The following SYT2 variants were observed in gnomAD, a reference collection of about 807,000 sequenced individuals.
SYT2 encodes the protein synaptotagmin-2.
In SYT2, 15 loss-of-function variants were observed where a neutral mutation model predicts 39.9. The observed-to-expected ratio is 0.38, with a 90% CI of 0.25 to 0.58. The LOEUF is 0.58. Ranked by LOEUF, SYT2 falls within the 20% of genes least tolerant of loss-of-function variation. The pLI is 0.70. For synonymous variants in SYT2, 181 were observed against 204.5 expected (o/e 0.89, Z 0.98); for missense variants, 389 against 530.3 (o/e 0.73, Z 2.62).
chr1:202,604,821 T>G (rs912507335), intron 2 of SYT2, among the ~76,000 whole-genome samples, 200 bp from the exon 3 acceptor site: 1 of 14,574 alleles, frequency 6.9e-5, no homozygotes, highest in East Asian at 0.012. Context: ...TGCCTTGCTT[T>G]TTTTTTTTTT....
chr1:202,696,668 C>T (rs534788504), intron 1 of SYT2, among the ~76,000 whole-genome samples: 1 of 152,254 alleles, frequency 6.6e-6, no homozygotes, highest in South Asian at 2.1e-4. Context: ...GGAAGTGTGG[C>T]CTGAGGCACA....
At chr1:202,695,551 C>G (rs1271808145) in intron 1 of SYT2, among the ~76,000 whole-genome samples, 1 of 152,184 alleles carries the variant, frequency 6.6e-6, no homozygotes, top group Non-Finnish European at 1.5e-5. Context: ...TGTAATTGAA[C>G]TCGATTTGAT....
chr1:202,602,982 C>G lies in SYT2; in HGVS notation c.465+17G>C, dbSNP rs1184418404. ...TCTCCCCATTCCCCCACTCTGCCCCCCCACAGCCCTGCATACCTGATTAGC... is the reference window on the plus strand; with the variant it reads ...TCTCCCCATTCCCCCACTCTGCCCCGCCACAGCCCTGCATACCTGATTAGC... On this transcript the variant is annotated intron_variant, in intron 4 of 8. Coordinates refer to ENST00000367268, the MANE Select transcript of SYT2 (RefSeq NM_177402.5). The G allele has an allele frequency of 6.2e-7, 1 of 1,608,746 alleles. No individual in the cohort carries two copies. Among genetic ancestry groups the G allele is most frequent in the Non-Finnish European group, 8.5e-7 (1 of 1,176,410 alleles).
intron 1 of SYT2, among the ~76,000 whole-genome samples, chr1:202,696,012 A>G (rs1572684852): frequency 6.6e-6 from 1 of 152,174 alleles, no homozygotes; most frequent in East Asian, 1.9e-4. Context: ...TTCCTTTCTC[A>G]GTCTCCAGTG....
Position 202,660,416 on chromosome 1 carries a change from G to A in SYT2, c.-18+49842C>T, listed in dbSNP as rs368456401. ...AATGGTGGCTACAACTTCTGTTACC[G>A]CTACTACCCCAGCAGGTGAGAAAGA... On this transcript the variant is annotated intron_variant, in intron 1 of 8. Coordinates refer to ENST00000367268, the MANE Select transcript of SYT2 (RefSeq NM_177402.5). Among the ~76,000 whole-genome samples the A allele has an allele frequency of 1.8e-4, 28 of 152,240 alleles. No homozygotes were observed. The East Asian group carries it at 2.1e-3, about 12-fold the overall frequency.
rs187356131 is a variant in SYT2 at position 202,691,373 on chromosome 1, C to G, written c.-18+18885G>C. ...GGTGAAGACATGTAGATTGGCCAGG[C>G]ACGGTAGCTCACACCTGTAATCCCA... is the stretch of plus-strand genomic sequence containing the variant. On this transcript the variant is annotated intron_variant, in intron 1 of 8. Transcript: ENST00000367268. 7.2e-3 allele frequency among the ~76,000 whole-genome samples: 1,093 copies of G among 152,188 alleles called. 11 individuals are homozygous for G. The highest frequency in any genetic ancestry group is 0.02 in the Middle Eastern group (6 of 294).
intron 1 of SYT2, among the ~76,000 whole-genome samples, chr1:202,671,384 C>T (rs1692587735): frequency 6.6e-6 from 1 of 152,200 alleles, no homozygotes; most frequent in Admixed American, 6.5e-5. Context: ...GCGGAGAGAC[C>T]CATTTTTAGC....
At chr1:202,665,969 T>C (rs964117533) in intron 1 of SYT2, among the ~76,000 whole-genome samples, 1 of 151,992 alleles carries the variant, frequency 6.6e-6, no homozygotes, top group Non-Finnish European at 1.5e-5. Flanking sequence ...CTGGCTAACA[T>C]GGTGAAACCC....
chr1:202,633,387 T>C (rs1195394622), intron 1 of SYT2, among the ~76,000 whole-genome samples: 1 of 152,082 alleles, frequency 6.6e-6, no homozygotes, highest in Non-Finnish European at 1.5e-5. Flanking sequence ...AGGGGATGTG[T>C]AGGTGAGGTG....
chr1:202,668,828 G>A (rs981609219), intron 1 of SYT2, among the ~76,000 whole-genome samples: 2 of 152,186 alleles, frequency 1.3e-5, no homozygotes, highest in Admixed American at 6.5e-5. Context: ...ACAGGGTGGC[G>A]AGGCACTGAC....
intron 1 of SYT2, among the ~76,000 whole-genome samples, chr1:202,693,660 G>A (rs1653901111): frequency 6.6e-6 from 1 of 152,200 alleles, no homozygotes; most frequent in Admixed American, 6.5e-5. Flanking sequence ...TACCTCCAAA[G>A]TCCAGGATCA....
At chr1:202,627,425 GAGAGA>G in intron 1 of SYT2, 1 of 985,248 alleles carries the variant, frequency 1.0e-6, no homozygotes, top group African/African-American at 1.7e-5. Context: ...CCTGCTAAAG[GAGAGA>G]AGAGAAACCC....
chr1:202,617,409 C>CATGTGA (rs1691075807), intron 1 of SYT2, among the ~76,000 whole-genome samples: 1 of 152,072 alleles, frequency 6.6e-6, no homozygotes, highest in South Asian at 2.1e-4. Context: ...CTGCTCTGGC[C>CATGTGA]ATGTGAAGTG....
intron 1 of SYT2, among the ~76,000 whole-genome samples, chr1:202,616,454 T>G (rs12164525): frequency 0.081 from 12,305 of 152,060 alleles, 1,584 homozygotes; most frequent in African/African-American, 0.27. Context: ...TGCCTTGTTC[T>G]CCCCTTCGTG....
At chr1:202,709,923 G>C (rs1189950447) in intron 1 of SYT2, among the ~76,000 whole-genome samples, 2 of 152,058 alleles carry the variant, frequency 1.3e-5, no homozygotes, top group African/African-American at 2.4e-5. Flanking sequence ...AGAGAGGGAC[G>C]GGGGCGCAGA....
At chr1:202,610,576 A>T (rs1690859049) in intron 1 of SYT2, among the ~76,000 whole-genome samples, 1 of 152,186 alleles carries the variant, frequency 6.6e-6, no homozygotes, top group African/African-American at 2.4e-5. Flanking sequence ...AGAAAACCCC[A>T]TCGTCTCAGC....
intron 1 of SYT2, among the ~76,000 whole-genome samples, chr1:202,616,965 C>T (rs1691059042): frequency 6.6e-6 from 1 of 152,212 alleles, no homozygotes; most frequent in Admixed American, 6.5e-5. Flanking sequence ...TATTTGCCAC[C>T]AAGGCAATCT....
chr1:202,676,343 C>T (rs938780866), intron 1 of SYT2, among the ~76,000 whole-genome samples: 2 of 152,228 alleles, frequency 1.3e-5, no homozygotes, highest in African/African-American at 4.8e-5. Context: ...AAAGCCAGCT[C>T]TTAGCTCAAC....
intron 1 of SYT2, among the ~76,000 whole-genome samples, chr1:202,634,898 A>G (rs1428484367): frequency 1.3e-5 from 2 of 152,162 alleles, no homozygotes; most frequent in Non-Finnish European, 2.9e-5. Context: ...ATCGAGGGTG[A>G]CTGTTAATAT....
Sources: gnomAD v4.1 joint callset for allele counts (sites outside exome capture counted in the v4.1 genomes callset) on GRCh38, gnomAD v4.1.1 for gene constraint, MANE v1.5 for transcripts, NCBI Gene and HGNC (gene_info 2026-07-23, HGNC 2026-07-21) for gene names.